SCHIP1: variants seen among roughly 807,000 people sequenced by gnomAD.
SCHIP1 encodes the protein schwannomin interacting protein 1.
A neutral mutation model predicts 29.7 loss-of-function variants in SCHIP1; 8 were observed. The observed-to-expected ratio is 0.27, with a 90% CI of 0.16 to 0.49. The LOEUF (loss-of-function observed/expected upper bound fraction) is 0.49, where lower values mean the gene tolerates loss of function less well. SCHIP1 is among the 20% of genes least tolerant of loss of function. SCHIP1 has a pLI of 0.99. For synonymous variants in SCHIP1, 76 were observed against 94.9 expected (o/e 0.80, Z 1.16); for missense variants, 193 against 294.6 (o/e 0.66, Z 2.52).
At chr3:159,395,128 T>G in the SCHIP1 span, among the ~76,000 whole-genome samples, 1 of 152,256 alleles carries the variant, frequency 6.6e-6, no homozygotes, top group Non-Finnish European at 1.5e-5. Context: ...TAGTATTCTC[T>G]GATGGTAGTT....
the SCHIP1 span, among the ~76,000 whole-genome samples, chr3:159,632,610 G>A: frequency 1.3e-5 from 2 of 152,142 alleles, no homozygotes; most frequent in Non-Finnish European, 2.9e-5. Flanking sequence ...TTGTAGCCAT[G>A]TATCTCAAAC....
the SCHIP1 span, among the ~76,000 whole-genome samples, chr3:159,379,922 C>T: frequency 2.2e-3 from 340 of 152,226 alleles, 2 homozygotes; most frequent in African/African-American, 7.8e-3. Flanking sequence ...TGCTGTGGCC[C>T]ATTTGAAGTA....
the SCHIP1 span, among the ~76,000 whole-genome samples, chr3:159,821,184 G>T: frequency 2.2e-4 from 33 of 152,158 alleles, no homozygotes; most frequent in Non-Finnish European, 5.9e-5. Context: ...AGTTGAGGAA[G>T]ATTTAGGATG....
chr3:159,607,293 A>AT, the SCHIP1 span, among the ~76,000 whole-genome samples: 1 of 152,016 alleles, frequency 6.6e-6, no homozygotes, highest in East Asian at 1.9e-4. Flanking sequence ...TATCTTCTTG[A>AT]TTTTTTTCTT....
At chr3:159,872,951 T>A (rs967700186) in intron 2 of SCHIP1, among the ~76,000 whole-genome samples, 1 of 152,214 alleles carries the variant, frequency 6.6e-6, no homozygotes, top group Non-Finnish European at 1.5e-5. Flanking sequence ...GTCAGAACAT[T>A]GAGTTCACCA....
the SCHIP1 span, among the ~76,000 whole-genome samples, chr3:159,546,099 T>C: frequency 2.0e-5 from 3 of 152,260 alleles, no homozygotes; most frequent in East Asian, 5.8e-4. Context: ...GTAACCTTGA[T>C]AAAATCACTT....
the SCHIP1 span, chr3:159,273,814 C>A: frequency 6.2e-7 from 1 of 1,613,404 alleles, no homozygotes; most frequent in South Asian, 1.1e-5. Context: ...AGTAACTCTT[C>A]AGCACCATGG....
chr3:159,619,417 C>A, the SCHIP1 span, among the ~76,000 whole-genome samples: 24 of 152,154 alleles, frequency 1.6e-4, no homozygotes, highest in African/African-American at 5.6e-4. Context: ...GCCATTGGTT[C>A]CCCCTTGCTT....
At chr3:159,729,073 G>A in the SCHIP1 span, among the ~76,000 whole-genome samples, 5 of 151,916 alleles carry the variant, frequency 3.3e-5, no homozygotes, top group African/African-American at 1.2e-4. Context: ...ACTTGAACCC[G>A]GGAGGCAGAG....
chr3:159,367,156 G>A, the SCHIP1 span, among the ~76,000 whole-genome samples: 1 of 152,132 alleles, frequency 6.6e-6, no homozygotes, highest in Non-Finnish European at 1.5e-5. Flanking sequence ...AGGTTGGGAG[G>A]CCAAGGCGGG....
the SCHIP1 span, among the ~76,000 whole-genome samples, chr3:159,536,596 A>G: frequency 0.18 from 27,482 of 151,990 alleles, 2,666 homozygotes; most frequent in South Asian, 0.35. Flanking sequence ...AATCCACCCA[A>G]CCCCAAAAGA....
At chr3:159,791,591 T>C in the SCHIP1 span, among the ~76,000 whole-genome samples, 53,036 of 152,078 alleles carry the variant, frequency 0.35, 9,574 homozygotes, top group East Asian at 0.51. Flanking sequence ...GCCCTCCTCT[T>C]GCTGGCCATT....
chr3:159,597,030 AT>A, the SCHIP1 span, among the ~76,000 whole-genome samples: 1 of 152,034 alleles, frequency 6.6e-6, no homozygotes, highest in South Asian at 2.1e-4. Flanking sequence ...CAGAACTTGA[AT>A]TTAAATCTTG....
At chr3:159,515,720 T>C in the SCHIP1 span, among the ~76,000 whole-genome samples, 2 of 152,168 alleles carry the variant, frequency 1.3e-5, no homozygotes, top group African/African-American at 4.8e-5. Context: ...ATTTCACTCC[T>C]CATAAAGCTC....
intron 2 of SCHIP1, among the ~76,000 whole-genome samples, chr3:159,868,162 G>A (rs893991977): frequency 3.3e-5 from 5 of 150,204 alleles, no homozygotes; most frequent in Non-Finnish European, 5.9e-5. Context: ...TATGTACATA[G>A]GTATATATGG....
chr3:159,678,800 C>A, the SCHIP1 span, among the ~76,000 whole-genome samples: 2 of 152,172 alleles, frequency 1.3e-5, no homozygotes, highest in Non-Finnish European at 2.9e-5. Context: ...GTGGAAGGCA[C>A]CTCTTCACAG....
the SCHIP1 span, among the ~76,000 whole-genome samples, chr3:159,278,463 A>G: frequency 1.3e-5 from 2 of 152,242 alleles, no homozygotes; most frequent in African/African-American, 2.4e-5. Context: ...ACTACAATGC[A>G]TAAAAAAGAA....
chr3:159,811,038 T>A, the SCHIP1 span, among the ~76,000 whole-genome samples: 1 of 152,258 alleles, frequency 6.6e-6, no homozygotes, highest in African/African-American at 2.4e-5. Flanking sequence ...AGTTTTAATT[T>A]TCATTTACCT....
chr3:159,635,553 A>C, the SCHIP1 span, among the ~76,000 whole-genome samples: 14 of 152,210 alleles, frequency 9.2e-5, no homozygotes, highest in East Asian at 2.5e-3. Context: ...TCTTGAGGGG[A>C]TATTGAGACT....
Sources: allele counts gnomAD v4.1 joint callset (sites outside exome capture counted in the v4.1 genomes callset), GRCh38; gene constraint gnomAD v4.1.1; transcripts MANE v1.5; gene names NCBI Gene and HGNC (gene_info 2026-07-23, HGNC 2026-07-21).